SYN3: variants seen among roughly 807,000 people sequenced by gnomAD.
SYN3 encodes synapsin III, also known as synapsin-3.
Under a neutral mutation model 65.8 loss-of-function variants are expected in SYN3, and 35 were observed. The observed-to-expected ratio is 0.53, with a 90% CI of 0.41 to 0.70. The LOEUF (loss-of-function observed/expected upper bound fraction) is 0.70, where lower values mean the gene tolerates loss of function less well. SYN3 is among the 30% of genes least tolerant of loss of function. SYN3 has a pLI of 0.00. For synonymous variants in SYN3, 270 were observed against 292.9 expected, an observed-to-expected ratio of 0.92 and a Z score of 0.80; for missense variants, 680 against 749.0, an observed-to-expected ratio of 0.91 and a Z score of 1.08.
At chr22:32,866,887 G>C (rs992587695) in intron 5 of SYN3, among the ~76,000 whole-genome samples, 4 of 152,186 alleles carry the variant, frequency 2.6e-5, no homozygotes, top group Admixed American at 2.6e-4. Context: ...ACTTGTTCCA[G>C]GTATCTAAGG....
At chr22:32,537,992 C>T (rs1601591807) in intron 9 of SYN3, 44 bp downstream of exon 9, 1 of 1,575,332 alleles carries the variant, frequency 6.3e-7, no homozygotes, top group East Asian at 2.2e-5. Context: ...CCTTCAGCTC[C>T]TACTATGGCC....
At chr22:32,975,336 T>C (rs1490101171) in intron 3 of SYN3, among the ~76,000 whole-genome samples, 1 of 150,212 alleles carries the variant, frequency 6.7e-6, no homozygotes, top group Non-Finnish European at 1.5e-5. Flanking sequence ...GATCTCACCA[T>C]TGCACTCCAG....
At chr22:32,795,155 G>A (rs1435316842) in intron 6 of SYN3, among the ~76,000 whole-genome samples, 1 of 152,158 alleles carries the variant, frequency 6.6e-6, no homozygotes, top group Non-Finnish European at 1.5e-5. Flanking sequence ...AGAAAGCCAC[G>A]GAGCACAAGT....
At chr22:32,780,546 G>A (rs5754280) in intron 6 of SYN3, among the ~76,000 whole-genome samples, 11,340 of 152,234 alleles carry the variant, frequency 0.074, 475 homozygotes, top group Middle Eastern at 0.11. Flanking sequence ...ACCCTTGGAA[G>A]CCTTTCCACA....
chr22:32,640,078 G>A (rs1258729192), intron 6 of SYN3, among the ~76,000 whole-genome samples: 2 of 152,150 alleles, frequency 1.3e-5, no homozygotes, highest in Non-Finnish European at 2.9e-5. Flanking sequence ...CTTTGCACCT[G>A]CTTTCCTCCA....
chr22:32,542,035 T>C (rs1308194041), intron 7 of SYN3, among the ~76,000 whole-genome samples: 1 of 151,098 alleles, frequency 6.6e-6, no homozygotes, highest in African/African-American at 2.4e-5. Flanking sequence ...GAACCCACAG[T>C]GGGGGAAAGG....
At chr22:32,782,529 T>G (rs1418323278) in intron 6 of SYN3, among the ~76,000 whole-genome samples, 3 of 150,100 alleles carry the variant, frequency 2.0e-5, no homozygotes, top group African/African-American at 4.9e-5. Flanking sequence ...TTTTTTTTTT[T>G]TTTTTTGAGA....
chr22:32,886,507 T>C (rs1481067692), intron 4 of SYN3, among the ~76,000 whole-genome samples: 8 of 152,210 alleles, frequency 5.3e-5, no homozygotes, highest in Non-Finnish European at 1.2e-4. Flanking sequence ...GTGCAATTCA[T>C]AGAGCCATTT....
chr22:32,881,339 T>C (rs2049129480), intron 4 of SYN3, among the ~76,000 whole-genome samples: 1 of 152,172 alleles, frequency 6.6e-6, no homozygotes, highest in Non-Finnish European at 1.5e-5. Flanking sequence ...TATGTACTTA[T>C]ACCCAAGGCC....
chr22:32,780,883 T>G (rs1323312835), intron 6 of SYN3, among the ~76,000 whole-genome samples: 1 of 126,472 alleles, frequency 7.9e-6, no homozygotes, highest in African/African-American at 2.8e-5. Context: ...AACTTGGTAT[T>G]ATTGCCTGCC....
At position 32,872,936 on chromosome 22, in the gene SYN3, C is replaced by CTTTT. The variant is rs35506480; in HGVS notation, c.462-3815_462-3812dup. ...AGTTGGGTGCAACGTGCCCTAAGCA[C>CTTTT]TTTTTTTTTTTTTTTTTTTTTGAGA... On this transcript the variant is annotated intron_variant, in intron 4 of 13. Coordinates refer to ENST00000358763, the MANE Select transcript of SYN3 (RefSeq NM_003490.4). Among the ~76,000 whole-genome samples the CTTTT allele has an allele frequency of 5.3e-3, 608 of 115,142 alleles. 12 individuals are homozygous for CTTTT. Among genetic ancestry groups the CTTTT allele is most frequent in the African/African-American group, 0.013 (361 of 28,644 alleles). 75.5% of individuals were successfully genotyped at this position (115,142 alleles called of 152,430 possible). A position where few individuals can be genotyped will look rare whatever the true frequency, so the allele number is the denominator to read the frequency against.
At chr22:32,710,417 G>A (rs2060944333) in intron 6 of SYN3, among the ~76,000 whole-genome samples, 1 of 151,584 alleles carries the variant, frequency 6.6e-6, no homozygotes, top group South Asian at 2.1e-4. Flanking sequence ...GATCACCTGA[G>A]GTCAGGAGTT....
chr22:32,579,421 C>A (rs896215947), intron 7 of SYN3, among the ~76,000 whole-genome samples: 2 of 152,158 alleles, frequency 1.3e-5, no homozygotes, highest in African/African-American at 4.8e-5. Flanking sequence ...GCTGCATTCT[C>A]ACACAGCGGA....
chr22:32,540,659 AG>A (rs1467674230), intron 8 of SYN3, among the ~76,000 whole-genome samples: 8 of 152,208 alleles, frequency 5.3e-5, no homozygotes, highest in Non-Finnish European at 1.2e-4. Flanking sequence ...AACCACCTCT[AG>A]GGTGAAGGCG....
chr22:32,667,782 T>TTTTCTTTC (rs370360732), intron 6 of SYN3, among the ~76,000 whole-genome samples: 48 of 146,738 alleles, frequency 3.3e-4, no homozygotes, highest in Middle Eastern at 3.5e-3. Context: ...AGGAGATCAC[T>TTTTCTTTC]TTTCTTTCTT....
chr22:32,936,424 G>T (rs1284916945), intron 3 of SYN3, among the ~76,000 whole-genome samples: 3 of 152,084 alleles, frequency 2.0e-5, no homozygotes, highest in African/African-American at 7.2e-5. Flanking sequence ...TGAAGTTCAG[G>T]GTAGCCATGG....
At chr22:32,828,794 G>A (rs1275410413) in intron 6 of SYN3, among the ~76,000 whole-genome samples, 5 of 152,200 alleles carry the variant, frequency 3.3e-5, no homozygotes, top group South Asian at 2.1e-4. Context: ...TGGACTGAGC[G>A]TTCCCAGATT....
In SYN3 at chr22:32,825,657, C is replaced by CA. The variant is rs130292; in HGVS notation, c.711+39257dup. Among the ~76,000 whole-genome samples, 31 of 28,594 alleles carry CA rather than the reference C, an allele frequency of 1.1e-3. 14 individuals carry two copies. Among genetic ancestry groups the CA allele is most frequent in the South Asian group, 4.6e-3 (2 of 436 alleles). 18.8% of individuals were successfully genotyped at this position (28,594 alleles called of 152,430 possible). ...TGGGCGACAGAGCGAGTTTCCATCTCAAAAAAAAAAAAAAAAAAAAAAAAA... is the reference window on the plus strand; with the variant it reads ...TGGGCGACAGAGCGAGTTTCCATCTCAAAAAAAAAAAAAAAAAAAAAAAAAA... On this transcript the variant is annotated intron_variant, in intron 6 of 13. Transcript: ENST00000358763.
At chr22:32,798,196 G>A (rs774879894) in intron 6 of SYN3, among the ~76,000 whole-genome samples, 1 of 152,066 alleles carries the variant, frequency 6.6e-6, no homozygotes, top group Non-Finnish European at 1.5e-5. Context: ...TTATTATCAT[G>A]GTAGAGAATT....
Sources: allele counts gnomAD v4.1 joint callset (sites outside exome capture counted in the v4.1 genomes callset), GRCh38; gene constraint gnomAD v4.1.1; transcripts MANE v1.5; gene names NCBI Gene and HGNC (gene_info 2026-07-23, HGNC 2026-07-21).